Variants in ATP10D observed in about 807,000 individuals in gnomAD.
The protein encoded by ATP10D is phospholipid-transporting ATPase VD.
Under a neutral mutation model 144.8 loss-of-function variants are expected in ATP10D, and 89 were observed. The ratio of observed to expected loss-of-function variants is 0.61; its 90% confidence interval spans 0.52 to 0.73. The LOEUF (loss-of-function observed/expected upper bound fraction) is 0.73, where lower values mean the gene tolerates loss of function less well. Among genes scored for constraint, ATP10D ranks in the 30% least tolerant of loss-of-function variants. The pLI is 0.00. For synonymous variants in ATP10D, 571 were observed against 615.1 expected, an observed-to-expected ratio of 0.93 and a Z score of 1.06; for missense variants, 1,603 against 1,714.8, an observed-to-expected ratio of 0.93 and a Z score of 1.15.
chr4:47,486,739 T>C (rs750585268), intron 1 of ATP10D, among the ~76,000 whole-genome samples: 1 of 152,230 alleles, frequency 6.6e-6, no homozygotes, highest in Non-Finnish European at 1.5e-5. Context: ...GAGGTCATTT[T>C]ATACATTTGG....
chr4:47,512,173 G>A (rs945459649), intron 1 of ATP10D, among the ~76,000 whole-genome samples: 1 of 152,150 alleles, frequency 6.6e-6, no homozygotes, highest in African/African-American at 2.4e-5. Context: ...GACATGCCTG[G>A]CATTATGCCC....
intron 5 of ATP10D, among the ~76,000 whole-genome samples, chr4:47,530,820 A>C (rs1308627298): frequency 6.6e-6 from 1 of 152,214 alleles, no homozygotes; most frequent in Admixed American, 6.5e-5. Context: ...ATGTTAAACT[A>C]TCCTTCTGTC....
intron 19 of ATP10D, among the ~76,000 whole-genome samples, chr4:47,577,338 A>G (rs1330904737): frequency 6.6e-6 from 1 of 152,234 alleles, no homozygotes; most frequent in Non-Finnish European, 1.5e-5. Flanking sequence ...TTCTAAGATG[A>G]AGAATCTGAA....
chr4:47,547,763 G>A (rs1718516209), intron 10 of ATP10D, among the ~76,000 whole-genome samples: 1 of 152,108 alleles, frequency 6.6e-6, no homozygotes, highest in South Asian at 2.1e-4. Context: ...GGTCTCATTT[G>A]TCCTGGGAAG....
At chr4:47,573,098 T>A in intron 18 of ATP10D, 101 bp downstream of exon 18, 1 of 1,380,336 alleles carries the variant, frequency 7.2e-7, no homozygotes, top group Non-Finnish European at 1.0e-6. Context: ...TCACTTTCCT[T>A]ATTGATGTAT....
rs1196566227 is a variant in ATP10D, at chr4:47,536,902, A to G, written c.1360A>G (p.Ser454Gly). ...GAATAAGATGGTTTTTCGAAGATGT[A>G]GTGTGGCAGGATTTGATTACTGCCA... is the stretch of plus-strand genomic sequence containing the variant. ...TENKMVFRRC[S>G]VAGFDYCHEE... Residue 454 changes from serine (S) to glycine (G), a missense_variant, in exon 9 of 23, where the codon AGT (serine) becomes GGT (glycine). Ser to Gly is a moderately conservative substitution (Grantham distance 56). Transcript: ENST00000273859. 4 of 1,612,128 alleles carry G rather than the reference A, an allele frequency of 2.5e-6. No homozygotes were observed. In the Admixed American group the frequency reaches 6.7e-5, roughly 27 times the overall value.
chr4:47,550,221 A>T (rs534034122), intron 10 of ATP10D, among the ~76,000 whole-genome samples: 1 of 152,280 alleles, frequency 6.6e-6, no homozygotes, highest in African/African-American at 2.4e-5. Context: ...GTGGGTTTTT[A>T]AAGTTTTGCA....
chr4:47,545,109 G>T (rs1237330337), intron 9 of ATP10D, among the ~76,000 whole-genome samples: 1 of 152,198 alleles, frequency 6.6e-6, no homozygotes, highest in East Asian at 1.9e-4. Flanking sequence ...GCTTAGATCT[G>T]AATGACATAA....
At chr4:47,512,461 G>T (rs531861059) in intron 1 of ATP10D, 43 bp from the exon 2 acceptor site, 6 of 1,301,994 alleles carry the variant, frequency 4.6e-6, no homozygotes, top group African/African-American at 4.4e-5. Context: ...TCTTTGAGAC[G>T]TTTCAGAAGC....
chr4:47,562,829 TATA>T (rs1719392572), intron 14 of ATP10D, among the ~76,000 whole-genome samples: 1 of 147,760 alleles, frequency 6.8e-6, no homozygotes, highest in Non-Finnish European at 1.5e-5. Flanking sequence ...GAAAATGTGA[TATA>T]ATATATATAT....
In ATP10D at chr4:47,490,417, A is replaced by G. The variant is rs527860144; in HGVS notation, c.-38+4898A>G. ...CTAAGAAAAAAGTGAAATGCTTTCA[A>G]TGGGATATGGAAACTCTGAAAGGTA... On this transcript the variant is annotated intron_variant, in intron 1 of 22. Coordinates refer to ENST00000273859, the MANE Select transcript of ATP10D (RefSeq NM_020453.4). 8.1e-4 allele frequency among the ~76,000 whole-genome samples: 123 copies of G among 152,340 alleles called. 1 individual carries two copies. Among genetic ancestry groups the G allele is most frequent in the Non-Finnish European group, 1.3e-3 (90 of 68,038 alleles).
At chr4:47,520,441 T>G (rs140872365) in intron 3 of ATP10D, among the ~76,000 whole-genome samples, 1 of 152,198 alleles carries the variant, frequency 6.6e-6, no homozygotes, top group Non-Finnish European at 1.5e-5. Flanking sequence ...GCATCCTATG[T>G]GCATGCCCAG....
chr4:47,573,769 G>A (rs560523706), intron 18 of ATP10D, among the ~76,000 whole-genome samples: 2 of 152,180 alleles, frequency 1.3e-5, no homozygotes, highest in Admixed American at 1.3e-4. Flanking sequence ...TAGTAGACAT[G>A]GGTTGATGTC....
At position 47,557,858 on chromosome 4, in the gene ATP10D, G is replaced by A; in HGVS notation, c.2019G>A (p.Glu673=). ...FSRMKPASPV[E]EEVSQVCESP... ...GAATGAAACCAGCTTCACCTGTGGA[G>A]GAAGAGGTCTCCCAGGTGTGTGAGA... The change falls in exon 12 of 23, where the codon GAG becomes GAA. Residue 673 remains glutamate, a synonymous_variant. Transcript: ENST00000273859. The A allele has an allele frequency of 6.2e-7, 1 of 1,614,192 alleles. No individual in the cohort carries two copies. Among genetic ancestry groups the A allele is most frequent in the Non-Finnish European group, 8.5e-7 (1 of 1,180,036 alleles).
At chr4:47,522,898 C>A in intron 3 of ATP10D, 114 bp from the exon 4 acceptor site, 1 of 866,398 alleles carries the variant, frequency 1.2e-6, no homozygotes, top group Non-Finnish European at 1.7e-6. Context: ...TTAAAATTTA[C>A]CCTAATACTT....
intron 15 of ATP10D, among the ~76,000 whole-genome samples, chr4:47,564,169 G>C (rs1719474625): frequency 6.6e-6 from 1 of 152,138 alleles, no homozygotes; most frequent in Non-Finnish European, 1.5e-5. Context: ...TGGGATTACG[G>C]GGTGAGCCAC....
At chr4:47,575,856 T>C (rs1475417487) in intron 18 of ATP10D, among the ~76,000 whole-genome samples, 1 of 151,848 alleles carries the variant, frequency 6.6e-6, no homozygotes, top group African/African-American at 2.4e-5. Flanking sequence ...GGTTTTCTTC[T>C]GGATTGTAGA....
intron 1 of ATP10D, among the ~76,000 whole-genome samples, chr4:47,503,738 G>T (rs1367640552): frequency 6.6e-6 from 1 of 151,630 alleles, no homozygotes; most frequent in Non-Finnish European, 1.5e-5. Flanking sequence ...CTCTACAAAA[G>T]AAAATAAAAA....
intron 1 of ATP10D, among the ~76,000 whole-genome samples, chr4:47,506,168 A>G (rs1252606740): frequency 6.6e-6 from 1 of 152,188 alleles, no homozygotes; most frequent in Non-Finnish European, 1.5e-5. Flanking sequence ...TTACATGAGA[A>G]TATTTGATTA....
Sources: allele counts gnomAD v4.1 joint callset (sites outside exome capture counted in the v4.1 genomes callset), GRCh38; gene constraint gnomAD v4.1.1; transcripts MANE v1.5; gene names NCBI Gene and HGNC (gene_info 2026-07-23, HGNC 2026-07-21).